Variants in PRLR observed in about 807,000 individuals in gnomAD.
PRLR encodes the protein hPRL receptor.
Under a neutral mutation model 40.2 loss-of-function variants are expected in PRLR, and 13 were observed. The observed-to-expected ratio is 0.32, with a 90% CI of 0.21 to 0.51. The LOEUF (loss-of-function observed/expected upper bound fraction) is 0.51, where lower values mean the gene tolerates loss of function less well. Ranked by LOEUF, PRLR falls within the 20% of genes least tolerant of loss-of-function variation. PRLR has a pLI of 0.97. For missense variants in PRLR, 656 were observed against 747.3 expected, an observed-to-expected ratio of 0.88 and a Z score of 1.42; for synonymous variants, 269 against 278.7, an observed-to-expected ratio of 0.97 and a Z score of 0.35.
intron 1 of PRLR, among the ~76,000 whole-genome samples, chr5:35,215,300 A>C (rs1192008827): frequency 1.3e-5 from 2 of 152,222 alleles, no homozygotes; most frequent in Non-Finnish European, 2.9e-5. Flanking sequence ...CTGAGTGGTC[A>C]AGGATGTTTT....
chr5:35,149,539 TAA>T (rs768094504), intron 1 of PRLR, among the ~76,000 whole-genome samples: 26 of 152,180 alleles, frequency 1.7e-4, no homozygotes, highest in Non-Finnish European at 2.4e-4. Context: ...GAATTTCTGA[TAA>T]GTGTTGTTGC....
chr5:35,054,197 C>T (rs1033085960), downstream of PRLR, among the ~76,000 whole-genome samples: 1 of 152,240 alleles, frequency 6.6e-6, no homozygotes, highest in Non-Finnish European at 1.5e-5. Flanking sequence ...AAATACTACA[C>T]TGATGGCAAG....
At chr5:35,187,266 T>C (rs1472343174) in intron 1 of PRLR, among the ~76,000 whole-genome samples, 1 of 151,970 alleles carries the variant, frequency 6.6e-6, no homozygotes, top group African/African-American at 2.4e-5. Context: ...CCAGGCTTCA[T>C]GGTGCATGCC....
intron 2 of PRLR, 72 bp from the exon 3 acceptor site, chr5:35,089,735 G>C: frequency 1.1e-6 from 1 of 886,604 alleles, no homozygotes; most frequent in Non-Finnish European, 1.8e-6. Context: ...CTTTATTCTG[G>C]GTATTTGCAA....
chr5:35,156,792 T>G (rs1206439005), intron 1 of PRLR, among the ~76,000 whole-genome samples: 1 of 152,110 alleles, frequency 6.6e-6, no homozygotes, highest in Non-Finnish European at 1.5e-5. Flanking sequence ...CCTCCAAACT[T>G]CTAGACAACA....
intron 2 of PRLR, among the ~76,000 whole-genome samples, chr5:35,114,636 G>T (rs1183411068): frequency 1.3e-5 from 2 of 152,176 alleles, no homozygotes. Context: ...GGCTCCTTGT[G>T]TCACTAGGGT....
chr5:35,061,189 T>A lies in PRLR; in HGVS notation c.*3900A>T, dbSNP rs1769018657. 6.6e-6 allele frequency: 1 copy of A among 151,754 alleles called. No individual in the cohort carries two copies. The highest frequency in any genetic ancestry group is 6.6e-5 in the Admixed American group (1 of 15,204). 9.4% of individuals were successfully genotyped at this position (151,754 alleles called of 1,614,324 possible). A position where few individuals can be genotyped will look rare whatever the true frequency, so the allele number is the denominator to read the frequency against. The stretch of plus-strand genomic sequence containing the variant: ...AATCAATACATTTTTCCTTGCAAAA[T>A]GAAAACTTTAAAAAAAAATAGAGGA... On this transcript the variant is annotated 3_prime_UTR_variant, in exon 10 of 10. Transcript: ENST00000618457.
At chr5:35,134,086 T>A (rs956881060) in intron 1 of PRLR, among the ~76,000 whole-genome samples, 1 of 152,094 alleles carries the variant, frequency 6.6e-6, no homozygotes, top group Non-Finnish European at 1.5e-5. Context: ...GTTTAATGTA[T>A]ACTGCTCGGG....
At chr5:35,174,644 C>G (rs1775094365) in intron 1 of PRLR, among the ~76,000 whole-genome samples, 1 of 152,122 alleles carries the variant, frequency 6.6e-6, no homozygotes, top group Non-Finnish European at 1.5e-5. Flanking sequence ...TTCAATGAAA[C>G]CCTCCCACTT....
chr5:35,187,993 G>A (rs1292996858), intron 1 of PRLR, among the ~76,000 whole-genome samples: 1 of 152,188 alleles, frequency 6.6e-6, no homozygotes, highest in Non-Finnish European at 1.5e-5. Flanking sequence ...ACTGTTAACT[G>A]CATATCCCCA....
At chr5:35,190,031 G>T (rs1195993851) in intron 1 of PRLR, among the ~76,000 whole-genome samples, 1 of 152,154 alleles carries the variant, frequency 6.6e-6, no homozygotes, top group African/African-American at 2.4e-5. Flanking sequence ...AGGCAAGAGG[G>T]AGAGAGCCCC....
intron 1 of PRLR, among the ~76,000 whole-genome samples, chr5:35,128,935 G>A (rs562721395): frequency 5.3e-5 from 8 of 152,228 alleles, no homozygotes; most frequent in Admixed American, 1.3e-4. Flanking sequence ...CTCCTTCCCC[G>A]TATTCCCTCT....
chr5:35,188,985 T>C (rs1452095585), intron 1 of PRLR, among the ~76,000 whole-genome samples: 2 of 152,098 alleles, frequency 1.3e-5, no homozygotes, highest in South Asian at 2.1e-4. Flanking sequence ...TTTTTGGAAG[T>C]AGGGTTATTG....
At position 35,064,820 on chromosome 5, in the gene PRLR, G is replaced by T. The variant is rs571453713; in HGVS notation, c.*269C>A. 2.5e-6 allele frequency: 1 copy of T among 405,590 alleles called. No homozygotes were observed. The highest frequency in any genetic ancestry group is 4.5e-5 in the East Asian group (1 of 22,244). The allele number at this position is 405,590 out of a possible 1,614,324, so 25.1% of individuals were successfully genotyped here. ...TATACCTATTGGCATTGTCCCTCAAGAATACTAAGCAGTGTGCTTTTATTT... is the reference window on the plus strand; with the variant it reads ...TATACCTATTGGCATTGTCCCTCAATAATACTAAGCAGTGTGCTTTTATTT... On this transcript the variant is annotated 3_prime_UTR_variant, in exon 10 of 10. Coordinates refer to ENST00000618457, the MANE Select transcript of PRLR (RefSeq NM_000949.7).
At chr5:35,208,169 A>ACG (rs5867273) in intron 1 of PRLR, among the ~76,000 whole-genome samples, 4 of 143,468 alleles carry the variant, frequency 2.8e-5, no homozygotes, top group East Asian at 4.0e-4. Context: ...TCACACACCC[A>ACG]CGCGCGCGCA....
At chr5:35,143,607 T>G (rs927651485) in intron 1 of PRLR, among the ~76,000 whole-genome samples, 7 of 152,228 alleles carry the variant, frequency 4.6e-5, no homozygotes, top group Admixed American at 2.0e-4. Flanking sequence ...CACCTAAATG[T>G]AAACTTGAGG....
At chr5:35,170,087 A>T (rs1774955189) in intron 1 of PRLR, among the ~76,000 whole-genome samples, 1 of 152,226 alleles carries the variant, frequency 6.6e-6, no homozygotes, top group Non-Finnish European at 1.5e-5. Context: ...ATTTTGGTTT[A>T]GTCAAGAGGC....
At chr5:35,086,103 T>C in intron 4 of PRLR, 105 bp downstream of exon 4, 1 of 1,382,086 alleles carries the variant, frequency 7.2e-7, no homozygotes, top group Middle Eastern at 1.9e-4. Flanking sequence ...TGAACCTTAC[T>C]GGTGTAAATT....
At chr5:35,053,951 A>T (rs1425503071), downstream of PRLR, among the ~76,000 whole-genome samples, 1 of 152,232 alleles carries the variant, frequency 6.6e-6, no homozygotes, top group Non-Finnish European at 1.5e-5. Flanking sequence ...ACAGGAATAG[A>T]TACACAGAAA....
Sources: allele counts gnomAD v4.1 joint callset (sites outside exome capture counted in the v4.1 genomes callset), GRCh38; gene constraint gnomAD v4.1.1; transcripts MANE v1.5; gene names NCBI Gene and HGNC (gene_info 2026-07-23, HGNC 2026-07-21).